RAF1: variants seen among roughly 807,000 people sequenced by gnomAD.
RAF1 encodes Raf-1 proto-oncogene, serine/threonine kinase, also known as RAF proto-oncogene serine/threonine-protein kinase.
A neutral mutation model predicts 81.1 loss-of-function variants in RAF1; 27 were observed. The ratio of observed to expected loss-of-function variants is 0.33; its 90% CI spans 0.25 to 0.46. The LOEUF is 0.46. Among genes scored for constraint, RAF1 ranks in the 20% least tolerant of loss-of-function variants. The pLI is 1.00. For missense variants in RAF1, 598 were observed against 826.0 expected (o/e 0.72, Z 3.38); for synonymous variants, 298 against 294.0 (o/e 1.01, Z -0.14).
rs556193172 is a variant in RAF1 at position 12,650,498 on chromosome 3, C to G, written c.-27+13315G>C. ...TTAACAATTACAATATTTTCCTAAC[C>G]CTTTTTCATGAATACCGAATCACTA... On this transcript the variant is annotated intron_variant, in intron 1 of 17. Transcript: ENST00000442415. Among the ~76,000 whole-genome samples the G allele has an allele frequency of 1.5e-4, 23 of 152,246 alleles. No individual in the cohort carries two copies. The East Asian group carries it at 2.3e-3, about 15-fold the overall frequency.
intron 1 of RAF1, among the ~76,000 whole-genome samples, chr3:12,642,719 C>CACACACACACAA (rs1491570753): frequency 1.8e-3 from 251 of 141,468 alleles, no homozygotes; most frequent in Admixed American, 4.7e-3. Flanking sequence ...CACACACACA[C>CACACACACACAA]AAAATAGCTG....
At chr3:12,631,780 T>C (rs1376448206) in intron 1 of RAF1, among the ~76,000 whole-genome samples, 2 of 152,186 alleles carry the variant, frequency 1.3e-5, no homozygotes, top group East Asian at 1.9e-4. Flanking sequence ...GTGTCTAGTA[T>C]ACAGACAGCA....
At chr3:12,601,756 A>T (rs370010140) in intron 8 of RAF1, among the ~76,000 whole-genome samples, 2 of 152,284 alleles carry the variant, frequency 1.3e-5, no homozygotes, top group East Asian at 3.9e-4. Context: ...AAGAAAGCCT[A>T]GTTCTGGTTC....
chr3:12,600,079 A>G, intron 10 of RAF1, 73 bp downstream of exon 9: 9 of 1,586,612 alleles, frequency 5.7e-6, no homozygotes, highest in Non-Finnish European at 7.8e-6. Context: ...AAATAAGTTT[A>G]AGTATTCTAA....
At chr3:12,649,831 A>T (rs1028505865) in intron 1 of RAF1, among the ~76,000 whole-genome samples, 3 of 151,700 alleles carry the variant, frequency 2.0e-5, no homozygotes, top group Admixed American at 2.0e-4. Flanking sequence ...GGGAACATCA[A>T]CTCTACAAAA....
intron 1 of RAF1, among the ~76,000 whole-genome samples, chr3:12,649,504 C>A (rs767005548): frequency 6.6e-6 from 1 of 151,908 alleles, no homozygotes; most frequent in South Asian, 2.1e-4. Context: ...GAGGCTGAGG[C>A]GGGAGGATCA....
At chr3:12,649,814 A>G (rs1175393670) in intron 1 of RAF1, among the ~76,000 whole-genome samples, 1 of 152,106 alleles carries the variant, frequency 6.6e-6, no homozygotes, top group Non-Finnish European at 1.5e-5. Context: ...AGCCTGGGCA[A>G]CTGAGGGGGA....
rs558705141 is a variant in RAF1, at chr3:12,586,832, C to T, written c.1477+759G>A. On this transcript the variant is annotated intron_variant, in intron 14 of 17. Transcript: ENST00000442415. ...CCACTTATGTACCTTTGAGAAAGAC[C>T]ATTTTATTTATTTATTTTTTTGAGA... The T allele has an allele frequency of 4.3e-4, 65 of 152,208 alleles. 1 individual carries two copies. Among genetic ancestry groups the T allele is most frequent in the African/African-American group, 1.5e-3 (62 of 41,536 alleles). The allele number at this position is 152,208 out of a possible 1,614,324, so 9.4% of individuals were successfully genotyped here. A position where few individuals can be genotyped will look rare whatever the true frequency, so the allele number is the denominator to read the frequency against.
At chr3:12,593,786 C>CTTTTTTTTTT (rs756831846) in intron 11 of RAF1, among the ~76,000 whole-genome samples, 3 of 111,284 alleles carry the variant, frequency 2.7e-5, no homozygotes, top group Non-Finnish European at 3.9e-5. Context: ...GGAGTAAATC[C>CTTTTTTTTTT]TTTTTTTTTT....
intron 1 of RAF1, among the ~76,000 whole-genome samples, chr3:12,652,491 A>T (rs1261490687): frequency 6.6e-6 from 1 of 152,184 alleles, no homozygotes; most frequent in Middle Eastern, 3.2e-3. Flanking sequence ...ACTGCACTCC[A>T]GCCTGGGCGA....
At chr3:12,617,880 AAAAAAAAAAAAAG>A (rs1174836063) in intron 2 of RAF1, among the ~76,000 whole-genome samples, 1 of 144,378 alleles carries the variant, frequency 6.9e-6, no homozygotes, top group African/African-American at 2.6e-5. Context: ...ATCCGTCTCA[AAAAAAAAAAAAAG>A]AAAAGAAAAA....
intron 1 of RAF1, among the ~76,000 whole-genome samples, chr3:12,639,944 C>G (rs1195354667): frequency 6.6e-6 from 1 of 152,146 alleles, no homozygotes; most frequent in African/African-American, 2.4e-5. Flanking sequence ...AAGCTGGAGG[C>G]ATCATGCTAC....
chr3:12,660,165 A>AT (rs2060830370), intron 1 of RAF1, among the ~76,000 whole-genome samples: 1 of 142,116 alleles, frequency 7.0e-6, no homozygotes, highest in South Asian at 2.4e-4. Flanking sequence ...CTGTAATATA[A>AT]TACTTGATGT....
At chr3:12,601,998 A>C (rs1387595090) in intron 8 of RAF1, among the ~76,000 whole-genome samples, 2 of 152,264 alleles carry the variant, frequency 1.3e-5, no homozygotes, top group African/African-American at 4.8e-5. Flanking sequence ...TAATTTCATT[A>C]TCCAACTAAG....
chr3:12,640,401 CA>C (rs2060149013), intron 1 of RAF1, among the ~76,000 whole-genome samples: 1 of 152,078 alleles, frequency 6.6e-6, no homozygotes, highest in Admixed American at 6.6e-5. Context: ...TTCTGCACAG[CA>C]AAAGAAACTA....
At chr3:12,592,688 C>CAGGGATCCATTCCACTTT (rs2058554979) in intron 11 of RAF1, among the ~76,000 whole-genome samples, 1 of 151,488 alleles carries the variant, frequency 6.6e-6, no homozygotes, top group Non-Finnish European at 1.5e-5. Flanking sequence ...TAGACACATC[C>CAGGGATCCATTCCACTTT]AGGGATCCAT....
At chr3:12,614,413 CGT>C (rs959212902) in intron 2 of RAF1, among the ~76,000 whole-genome samples, 6 of 100,654 alleles carry the variant, frequency 6.0e-5, no homozygotes, top group South Asian at 6.1e-4. Flanking sequence ...TACGTGCGTG[CGT>C]GTGTGTGTGT....
In RAF1 at chr3:12,618,898, C is replaced by T. The variant is rs528535490; in HGVS notation, c.-26-151G>A. On this transcript the variant is annotated intron_variant, in intron 1 of 17. Coordinates refer to ENST00000442415, the MANE Select transcript of RAF1 (RefSeq NM_001354689.3). ...GCAAAGAAAAGTTTCTTTAATAGTA[C>T]ACTTCCATTAAATATTTCATAGATG... is the stretch of plus-strand genomic sequence containing the variant. Among the ~76,000 whole-genome samples the T allele has an allele frequency of 3.2e-4, 49 of 152,296 alleles. 1 individual carries two copies. The South Asian group carries it at 0.01, about 32-fold the overall frequency.
intron 13 of RAF1, chr3:12,588,813 G>C (rs1180562395): frequency 2.6e-5 from 4 of 152,200 alleles, no homozygotes; most frequent in Non-Finnish European, 1.5e-5. Context: ...ATCTCAAGTT[G>C]AAATGTGATC....
Sources: allele counts gnomAD v4.1 joint callset (sites outside exome capture counted in the v4.1 genomes callset), GRCh38; gene constraint gnomAD v4.1.1; transcripts MANE v1.5; gene names NCBI Gene and HGNC (gene_info 2026-07-23, HGNC 2026-07-21).